ADAMTS18: variants seen among roughly 807,000 people sequenced by gnomAD.
ADAMTS18 encodes A disintegrin and metalloproteinase with thrombospondin motifs 18.
ADAMTS18 carries 157 observed loss-of-function variants against 165.9 expected under a neutral mutation model. The ratio of observed to expected loss-of-function variants is 0.95; its 90% CI spans 0.83 to 1.08. The LOEUF (loss-of-function observed/expected upper bound fraction) is 1.08. Among genes scored for constraint, ADAMTS18 ranks in the 50% least tolerant of loss-of-function variants. The probability of loss-of-function intolerance (pLI) is 0.00; values close to 1 mark genes in which losing one functional copy is unlikely to be tolerated. For missense variants in ADAMTS18, 2,040 were observed against 1,534.0 expected, an observed-to-expected ratio of 1.33 and a Z score of -5.51; for synonymous variants, 782 against 578.2, an observed-to-expected ratio of 1.35 and a Z score of -5.06.
chr16:77,417,473 C>CAGTGTACAGTAACAGTG (rs1275364160), intron 3 of ADAMTS18, among the ~76,000 whole-genome samples: 6 of 152,160 alleles, frequency 3.9e-5, no homozygotes, highest in African/African-American at 1.4e-4. Flanking sequence ...ATATAAATGC[C>CAGTGTACAGTAACAGTG]AGTGTACTAC....
At chr16:77,389,547 C>A (rs2057157217) in intron 3 of ADAMTS18, among the ~76,000 whole-genome samples, 2 of 152,140 alleles carry the variant, frequency 1.3e-5, no homozygotes, top group African/African-American at 2.4e-5. Flanking sequence ...TGGAGCAGGG[C>A]TGAATGAAGC....
chr16:77,370,231 G>A (rs1469261969), intron 3 of ADAMTS18, among the ~76,000 whole-genome samples: 2 of 152,118 alleles, frequency 1.3e-5, no homozygotes, highest in African/African-American at 4.8e-5. Flanking sequence ...GAAGTCCTGG[G>A]TAGAGCAATT....
At chr16:77,409,587 T>C (rs1171697999) in intron 3 of ADAMTS18, among the ~76,000 whole-genome samples, 2 of 152,164 alleles carry the variant, frequency 1.3e-5, no homozygotes, top group Admixed American at 6.5e-5. Context: ...AACCATGTGC[T>C]CTGTTCGGGG....
At chr16:77,414,029 T>C (rs1170867512) in intron 3 of ADAMTS18, among the ~76,000 whole-genome samples, 2 of 152,236 alleles carry the variant, frequency 1.3e-5, no homozygotes, top group African/African-American at 4.8e-5. Flanking sequence ...TAGAAATTTC[T>C]GCATAGAAAC....
chr16:77,289,231 A>C, intron 22 of ADAMTS18, 33 bp downstream of exon 22: 1 of 1,613,306 alleles, frequency 6.2e-7, no homozygotes, highest in Middle Eastern at 1.7e-4. Flanking sequence ...TCTAAAGACT[A>C]GTAAAGTTGA....
At chr16:77,356,445 C>G (rs755198424) in intron 8 of ADAMTS18, among the ~76,000 whole-genome samples, 3 of 152,034 alleles carry the variant, frequency 2.0e-5, no homozygotes, top group Non-Finnish European at 4.4e-5. Context: ...TCACCAACCA[C>G]GGAACTATGG....
At chr16:77,403,572 T>C (rs1232297993) in intron 3 of ADAMTS18, among the ~76,000 whole-genome samples, 3 of 152,214 alleles carry the variant, frequency 2.0e-5, no homozygotes, top group South Asian at 4.1e-4. Flanking sequence ...CCCTGCCCTC[T>C]GAATATCTCT....
chr16:77,430,006 C>A (rs2057719080), intron 3 of ADAMTS18, among the ~76,000 whole-genome samples: 2 of 152,188 alleles, frequency 1.3e-5, no homozygotes, highest in African/African-American at 4.8e-5. Context: ...GGGCAGACTG[C>A]TTTCAACTAC....
intron 3 of ADAMTS18, among the ~76,000 whole-genome samples, chr16:77,379,397 C>T (rs759670551): frequency 1.3e-5 from 2 of 152,212 alleles, no homozygotes; most frequent in Non-Finnish European, 2.9e-5. Flanking sequence ...GCTGGGAGAA[C>T]TAAGCAAAGT....
chr16:77,420,025 A>T (rs1370671328), intron 3 of ADAMTS18, among the ~76,000 whole-genome samples: 2 of 146,994 alleles, frequency 1.4e-5, no homozygotes, highest in African/African-American at 2.5e-5. Flanking sequence ...AAAAAAAAAG[A>T]CATCGACCTC....
At chr16:77,416,824 T>A (rs748200086) in intron 3 of ADAMTS18, among the ~76,000 whole-genome samples, 14 of 152,122 alleles carry the variant, frequency 9.2e-5, no homozygotes, top group Non-Finnish European at 1.5e-4. Context: ...GAAAGAGTCA[T>A]TAGAGAAGAA....
At chr16:77,334,779 GTATACAGTAAA>G (rs1567492031) in intron 12 of ADAMTS18, among the ~76,000 whole-genome samples, 1 of 99,232 alleles carries the variant, frequency 1.0e-5, no homozygotes, top group African/African-American at 3.7e-5. Context: ...ATATACTATA[GTATACAGTAAA>G]TATACTATAT....
At chr16:77,400,480 GTT>G (rs1242022512) in intron 3 of ADAMTS18, among the ~76,000 whole-genome samples, 1 of 104,034 alleles carries the variant, frequency 9.6e-6, no homozygotes, top group African/African-American at 3.2e-5. Context: ...GTGTGTGTGT[GTT>G]TTGTTTTTTT....
intron 3 of ADAMTS18, among the ~76,000 whole-genome samples, chr16:77,417,478 T>C (rs1344412034): frequency 1.3e-5 from 2 of 152,236 alleles, no homozygotes; most frequent in African/African-American, 4.8e-5. Context: ...AATGCCAGTG[T>C]ACTACTCACT....
In ADAMTS18 at chr16:77,434,701, G is replaced by A. The variant is rs912297732; in HGVS notation, c.-6C>T. The stretch of plus-strand genomic sequence containing the variant: ...AGCAGGAGGGCGCACTCCATGGTCA[G>A]GTGCGGACGCGGCGGCTGCGGGTGG... On this transcript the variant is annotated 5_prime_UTR_variant, in exon 1 of 23. Coordinates refer to ENST00000282849, the MANE Select transcript of ADAMTS18 (RefSeq NM_199355.4). 1.5e-5 allele frequency: 22 copies of A among 1,441,864 alleles called. No individual in the cohort carries two copies. The highest frequency in any genetic ancestry group is 2.0e-5 in the Non-Finnish European group (22 of 1,100,224). The allele number at this position is 1,441,864 out of a possible 1,614,324, so 89.3% of individuals were successfully genotyped here. A position where few individuals can be genotyped will look rare whatever the true frequency, so the allele number is the denominator to read the frequency against.
intron 2 of ADAMTS18, among the ~76,000 whole-genome samples, chr16:77,432,980 CCTTT>C (rs2057756243): frequency 1.3e-5 from 2 of 152,226 alleles, no homozygotes; most frequent in Admixed American, 6.5e-5. Flanking sequence ...TTGACTCCCT[CCTTT>C]AACTAAAAAT....
intron 3 of ADAMTS18, among the ~76,000 whole-genome samples, chr16:77,370,806 T>TAC (rs544595979): frequency 0.039 from 5,881 of 151,700 alleles, 213 homozygotes; most frequent in African/African-American, 0.092. Flanking sequence ...TATATATATA[T>TAC]ACATATACAC....
At chr16:77,429,397 C>T (rs1356235643) in intron 3 of ADAMTS18, among the ~76,000 whole-genome samples, 1 of 152,078 alleles carries the variant, frequency 6.6e-6, no homozygotes, top group African/African-American at 2.4e-5. Context: ...AACTCATGAA[C>T]ACAAAGAAGG....
At chr16:77,381,051 T>C (rs1383381205) in intron 3 of ADAMTS18, among the ~76,000 whole-genome samples, 1 of 152,028 alleles carries the variant, frequency 6.6e-6, no homozygotes, top group Non-Finnish European at 1.5e-5. Context: ...TTTTTGTATT[T>C]TTAGTAGAGA....
Sources: allele counts gnomAD v4.1 joint callset (sites outside exome capture counted in the v4.1 genomes callset), GRCh38; gene constraint gnomAD v4.1.1; transcripts MANE v1.5; gene names NCBI Gene and HGNC (gene_info 2026-07-23, HGNC 2026-07-21).